Variants in VPS54 observed in about 807,000 individuals in gnomAD.
VPS54 encodes vacuolar protein sorting-associated protein 54.
VPS54 carries 45 observed loss-of-function variants against 121.5 expected under a neutral mutation model. That is an observed-to-expected ratio of 0.37 (90% confidence interval 0.29 to 0.47). The LOEUF (loss-of-function observed/expected upper bound fraction) is 0.47. Ranked by LOEUF, VPS54 falls within the 20% of genes least tolerant of loss-of-function variation. The pLI is 0.99. For missense variants in VPS54, 1,090 were observed against 1,131.4 expected, an observed-to-expected ratio of 0.96 and a Z score of 0.52; for synonymous variants, 371 against 385.8, an observed-to-expected ratio of 0.96 and a Z score of 0.45.
At chr2:64,005,527 C>G (rs1235567362) in intron 1 of VPS54, among the ~76,000 whole-genome samples, 1 of 152,154 alleles carries the variant, frequency 6.6e-6, no homozygotes, top group Non-Finnish European at 1.5e-5. Context: ...CTATTGGTGA[C>G]AAAGCTACAG....
At chr2:63,894,261 A>C (rs185737046) in intron 22 of VPS54, among the ~76,000 whole-genome samples, 2 of 152,254 alleles carry the variant, frequency 1.3e-5, no homozygotes, top group Non-Finnish European at 2.9e-5. Flanking sequence ...TGAAAAGTGT[A>C]TTAGCTCCAA....
chr2:63,948,036 G>T (rs1212796903), intron 8 of VPS54, among the ~76,000 whole-genome samples: 1 of 152,046 alleles, frequency 6.6e-6, no homozygotes, highest in African/African-American at 2.4e-5. Context: ...TCACTGTGTT[G>T]CCCAGGCTGG....
At chr2:64,018,454 A>G (rs1178863270) in intron 1 of VPS54, among the ~76,000 whole-genome samples, 2 of 152,184 alleles carry the variant, frequency 1.3e-5, no homozygotes, top group African/African-American at 2.4e-5. Flanking sequence ...TTATTGCACA[A>G]ATTATTTCAA....
At chr2:63,954,927 A>G (rs1261539684) in intron 7 of VPS54, among the ~76,000 whole-genome samples, 1 of 152,064 alleles carries the variant, frequency 6.6e-6, no homozygotes, top group East Asian at 1.9e-4. Flanking sequence ...AGACATATCA[A>G]CCAATTGCAA....
Position 63,970,848 on chromosome 2 carries a change from G to C in VPS54, c.457+1318C>G, listed in dbSNP as rs537018930. Reference sequence around the variant, plus strand: ...CTTCTCACTGTTCACATCTTCCCTGGGCAATCTCACCCAACGTCCTTGGAT... The same window carrying C: ...CTTCTCACTGTTCACATCTTCCCTGCGCAATCTCACCCAACGTCCTTGGAT... On this transcript the variant is annotated intron_variant, in intron 4 of 22. Transcript: ENST00000272322. Among the ~76,000 whole-genome samples the C allele has an allele frequency of 1.6e-4, 24 of 151,898 alleles. 1 individual carries two copies. Among genetic ancestry groups the C allele is most frequent in the African/African-American group, 4.6e-4 (19 of 41,420 alleles).
rs191916412 is a variant in VPS54, at chr2:64,014,951, G to A, written c.-21+3987C>T. Among the ~76,000 whole-genome samples the A allele has an allele frequency of 2.5e-3, 386 of 152,116 alleles. 2 individuals carry two copies. Among genetic ancestry groups the A allele is most frequent in the Non-Finnish European group, 2.8e-3 (191 of 67,982 alleles). The stretch of plus-strand genomic sequence containing the variant: ...AAAACATTAAATAGTCTAAAGTGGA[G>A]CTCATAGGGGAAAAAAAGATTCATT... On this transcript the variant is annotated intron_variant, in intron 1 of 22. Transcript: ENST00000272322.
intron 3 of VPS54, chr2:63,975,019 T>TC (rs1194966169): frequency 6.5e-7 from 1 of 1,549,594 alleles, no homozygotes; most frequent in African/African-American, 1.4e-5. Flanking sequence ...GCATCTAGTT[T>TC]CCCCATTAGC....
At chr2:63,979,535 C>T (rs1009187988) in intron 3 of VPS54, among the ~76,000 whole-genome samples, 10 of 152,156 alleles carry the variant, frequency 6.6e-5, no homozygotes, top group African/African-American at 2.4e-4. Context: ...GCCACTGCAC[C>T]CAGCCATTTT....
chr2:63,945,151 A>G (rs894640738), intron 9 of VPS54, among the ~76,000 whole-genome samples: 2 of 152,230 alleles, frequency 1.3e-5, no homozygotes, highest in African/African-American at 4.8e-5. Context: ...ATGCCCATCA[A>G]TGATAGACTG....
intron 3 of VPS54, among the ~76,000 whole-genome samples, chr2:63,977,897 C>T (rs542655508): frequency 2.0e-5 from 3 of 152,206 alleles, no homozygotes; most frequent in African/African-American, 7.2e-5. Flanking sequence ...GTGTCAGAGG[C>T]TAAAATTTCC....
chr2:63,993,201 G>A (rs763536559), intron 1 of VPS54, among the ~76,000 whole-genome samples: 17 of 152,298 alleles, frequency 1.1e-4, no homozygotes, highest in South Asian at 1.0e-3. Context: ...CAAATTAGGA[G>A]AGATTATTTG....
Position 63,930,692 on chromosome 2 carries a change from G to C in VPS54, c.1739+2981C>G, listed in dbSNP as rs576340178. 5.9e-5 allele frequency among the ~76,000 whole-genome samples: 9 copies of C among 152,136 alleles called. No individual in the cohort carries two copies. The East Asian group carries it at 1.7e-3, about 29-fold the overall frequency. Reference sequence around the variant, plus strand: ...AATCAGGCAAGAGAAAAAAATAAAGGGTATTCAATGTGGAAAAGAGGAAGT... The same window carrying C: ...AATCAGGCAAGAGAAAAAAATAAAGCGTATTCAATGTGGAAAAGAGGAAGT... On this transcript the variant is annotated intron_variant, in intron 12 of 22. Transcript: ENST00000272322.
At chr2:64,008,132 G>A (rs776592969) in intron 1 of VPS54, among the ~76,000 whole-genome samples, 1 of 152,132 alleles carries the variant, frequency 6.6e-6, no homozygotes, top group Non-Finnish European at 1.5e-5. Flanking sequence ...GGAACAAGAG[G>A]CCGGGCGCAG....
intron 2 of VPS54, among the ~76,000 whole-genome samples, chr2:63,982,672 G>A (rs1404748409): frequency 1.3e-5 from 2 of 152,064 alleles, no homozygotes; most frequent in Non-Finnish European, 2.9e-5. Flanking sequence ...TCTCCATAAG[G>A]GACATCATAG....
chr2:63,895,283 G>C lies in VPS54; in HGVS notation c.2829-1748C>G, dbSNP rs544734331. ...CCAGCCTGGCCAACATGGTAAAACCGTCTCTACTAAAAATACAAAAAGTAG... is the reference window on the plus strand; with the variant it reads ...CCAGCCTGGCCAACATGGTAAAACCCTCTCTACTAAAAATACAAAAAGTAG... On this transcript the variant is annotated intron_variant, in intron 22 of 22. Coordinates refer to ENST00000272322, the MANE Select transcript of VPS54 (RefSeq NM_016516.3). Among the ~76,000 whole-genome samples the C allele has an allele frequency of 3.5e-4, 53 of 152,186 alleles. No individual in the cohort carries two copies. In the Middle Eastern group the frequency reaches 0.017, roughly 49 times the overall value.
At chr2:63,994,129 T>C (rs1677466685) in intron 1 of VPS54, among the ~76,000 whole-genome samples, 1 of 152,132 alleles carries the variant, frequency 6.6e-6, no homozygotes, top group African/African-American at 2.4e-5. Context: ...ATGGGTCTCA[T>C]TCAATCCTCC....
chr2:64,005,643 C>T (rs1157478959), intron 1 of VPS54, among the ~76,000 whole-genome samples: 2 of 152,274 alleles, frequency 1.3e-5, no homozygotes, highest in African/African-American at 2.4e-5. Context: ...AACTTTGACA[C>T]TACTGACATT....
chr2:63,972,286 A>G (rs756194194), intron 3 of VPS54, 42 bp from the exon 4 acceptor site: 4 of 1,427,862 alleles, frequency 2.8e-6, no homozygotes, highest in African/African-American at 2.8e-5. Flanking sequence ...ATGTGTAAAC[A>G]TGAGTATTCA....
chr2:63,910,709 A>G (rs549073406), intron 20 of VPS54, among the ~76,000 whole-genome samples: 111 of 152,208 alleles, frequency 7.3e-4, no homozygotes, highest in Non-Finnish European at 1.4e-3. Context: ...ATACATGGGA[A>G]GTTAATTAAA....
Sources: allele counts gnomAD v4.1 joint callset (sites outside exome capture counted in the v4.1 genomes callset), GRCh38; gene constraint gnomAD v4.1.1; transcripts MANE v1.5; gene names NCBI Gene and HGNC (gene_info 2026-07-23, HGNC 2026-07-21).